CR1L: variants seen among roughly 807,000 people sequenced by gnomAD.
The protein encoded by CR1L is complement C3b/C4b receptor 1 like.
Under a neutral mutation model 62.3 loss-of-function variants are expected in CR1L, and 59 were observed. The ratio of observed to expected loss-of-function variants is 0.95; its 90% CI spans 0.77 to 1.18. CR1L has a LOEUF of 1.18. Among genes scored for constraint, CR1L ranks in the 50% most tolerant of loss-of-function variants. The probability of loss-of-function intolerance (pLI) is 0.00; values close to 1 mark genes in which losing one functional copy is unlikely to be tolerated. For missense variants in CR1L, 700 were observed against 702.8 expected, an observed-to-expected ratio of 1.00 and a Z score of 0.04; for synonymous variants, 279 against 248.7, an observed-to-expected ratio of 1.12 and a Z score of -1.15.
At chr1:207,687,339 C>A (rs1297151560) in intron 4 of CR1L, among the ~76,000 whole-genome samples, 1 of 152,078 alleles carries the variant, frequency 6.6e-6, no homozygotes, top group Admixed American at 6.5e-5. Context: ...CAACAATTTT[C>A]TTGTACCATG....
intron 3 of CR1L, among the ~76,000 whole-genome samples, chr1:207,681,664 A>T (rs1479065391): frequency 6.6e-6 from 1 of 152,204 alleles, no homozygotes; most frequent in East Asian, 1.9e-4. Flanking sequence ...TGCCAATTTA[A>T]GTTTGAACTT....
intron 9 of CR1L, 29 bp from the exon 10 acceptor site, chr1:207,708,149 C>G (rs1664298074): frequency 2.5e-6 from 4 of 1,599,138 alleles, no homozygotes; most frequent in African/African-American, 2.8e-5. Context: ...GTATGTACAG[C>G]ACAATTATTT....
intron 1 of CR1L, chr1:207,652,815 G>A (rs552000410): frequency 1.8e-6 from 1 of 552,892 alleles, no homozygotes; most frequent in Admixed American, 2.8e-5. Flanking sequence ...ATTCCACTAT[G>A]GAGATGATGA....
intron 1 of CR1L, among the ~76,000 whole-genome samples, chr1:207,675,943 T>C (rs978552585): frequency 5.3e-5 from 8 of 152,218 alleles, no homozygotes; most frequent in South Asian, 4.1e-4. Context: ...GTGCTCAAGA[T>C]TGACGTGGCG....
At chr1:207,702,025 A>G (rs1236554581) in intron 9 of CR1L, among the ~76,000 whole-genome samples, 1 of 152,166 alleles carries the variant, frequency 6.6e-6, no homozygotes, top group Admixed American at 6.5e-5. Flanking sequence ...GGCCTTCCTC[A>G]TTTTATTGTA....
chr1:207,653,291 G>A (rs956375852), intron 1 of CR1L: 1 of 153,290 alleles, frequency 6.5e-6, no homozygotes, highest in African/African-American at 2.4e-5. Flanking sequence ...TGCTTTCTAT[G>A]TGACAAGTTA....
At chr1:207,678,541 G>A (rs989369717) in intron 3 of CR1L, among the ~76,000 whole-genome samples, 23 of 152,200 alleles carry the variant, frequency 1.5e-4, no homozygotes, top group Admixed American at 2.6e-4. Context: ...CATTCATTGG[G>A]TGGGAAGGAA....
intron 5 of CR1L, 49 bp from the exon 6 acceptor site, chr1:207,697,454 G>T (rs769241882): frequency 1.9e-6 from 3 of 1,612,958 alleles, no homozygotes; most frequent in Non-Finnish European, 2.5e-6. Context: ...AACAGTGAGA[G>T]AAAAGTTATT....
At chr1:207,713,195 G>T (rs1664388803) in intron 10 of CR1L, among the ~76,000 whole-genome samples, 1 of 152,088 alleles carries the variant, frequency 6.6e-6, no homozygotes, top group Non-Finnish European at 1.5e-5. Flanking sequence ...GTTGGAACTT[G>T]AAATGAATGG....
At chr1:207,705,372 C>T (rs189681466) in intron 9 of CR1L, among the ~76,000 whole-genome samples, 3 of 152,188 alleles carry the variant, frequency 2.0e-5, no homozygotes, top group Non-Finnish European at 4.4e-5. Context: ...TAACAGAGTC[C>T]CTTTGAAAAT....
intron 1 of CR1L, chr1:207,657,492 T>C (rs1257802262): frequency 9.1e-6 from 4 of 440,848 alleles, no homozygotes; most frequent in African/African-American, 8.0e-5. Context: ...GCTAGAGTTC[T>C]CTATTTTTCA....
At chr1:207,712,490 A>G (rs1420837153) in intron 10 of CR1L, among the ~76,000 whole-genome samples, 2 of 152,216 alleles carry the variant, frequency 1.3e-5, no homozygotes, top group South Asian at 2.1e-4. Context: ...AAATTCCCCC[A>G]TAACTAACAA....
intron 10 of CR1L, chr1:207,710,292 A>G (rs1664332855): frequency 1.0e-5 from 8 of 784,510 alleles, no homozygotes; most frequent in Admixed American, 6.6e-5. Context: ...GCAGTGAGCC[A>G]TGATCGTGCC....
chr1:207,702,557 G>A (rs1335899019), intron 9 of CR1L, among the ~76,000 whole-genome samples: 4 of 152,212 alleles, frequency 2.6e-5, no homozygotes, highest in African/African-American at 7.2e-5. Flanking sequence ...AACAGCTAGC[G>A]AGTTGCAAAG....
intron 8 of CR1L, among the ~76,000 whole-genome samples, chr1:207,700,354 A>C (rs1463010468): frequency 1.3e-5 from 2 of 152,214 alleles, no homozygotes; most frequent in African/African-American, 4.8e-5. Flanking sequence ...ATGAAAGCTC[A>C]TTGATTGGAC....
At chr1:207,707,612 A>T (rs1197430337) in intron 9 of CR1L, among the ~76,000 whole-genome samples, 1 of 152,212 alleles carries the variant, frequency 6.6e-6, no homozygotes, top group Non-Finnish European at 1.5e-5. Flanking sequence ...TGAGCGACAG[A>T]GCCAGACTCC....
At chr1:207,721,383 C>T (rs1261840508) in intron 11 of CR1L, among the ~76,000 whole-genome samples, 1 of 142,670 alleles carries the variant, frequency 7.0e-6, no homozygotes, top group Non-Finnish European at 1.5e-5. Flanking sequence ...TGATATTCCC[C>T]TTCCGTGTCC....
chr1:207,667,030 A>T (rs1277742768), intron 1 of CR1L, among the ~76,000 whole-genome samples: 6 of 152,126 alleles, frequency 3.9e-5, no homozygotes, highest in Non-Finnish European at 8.8e-5. Context: ...CATTTTCATA[A>T]TCAACAAATT....
chr1:207,681,208 C>G (rs1181778333), intron 3 of CR1L, among the ~76,000 whole-genome samples: 1 of 152,176 alleles, frequency 6.6e-6, no homozygotes, highest in Non-Finnish European at 1.5e-5. Context: ...TGTCCCTCTT[C>G]GGGCCCTGGG....
Sources: allele counts gnomAD v4.1 joint callset (sites outside exome capture counted in the v4.1 genomes callset), GRCh38; gene constraint gnomAD v4.1.1; transcripts MANE v1.5; gene names NCBI Gene and HGNC (gene_info 2026-07-23, HGNC 2026-07-21).